The following SS18L1 variants were observed in gnomAD, a reference collection of about 807,000 sequenced individuals.
The protein encoded by SS18L1 is SS18L1 subunit of BAF chromatin remodeling complex.
A neutral mutation model predicts 70.3 loss-of-function variants in SS18L1; 32 were observed. The ratio of observed to expected loss-of-function variants is 0.46; its 90% CI spans 0.34 to 0.61. The LOEUF (loss-of-function observed/expected upper bound fraction) is 0.61, where lower values mean the gene tolerates loss of function less well. SS18L1 is among the 20% of genes least tolerant of loss of function. The probability of loss-of-function intolerance (pLI) is 0.01; values close to 1 mark genes in which losing one functional copy is unlikely to be tolerated. For synonymous variants in SS18L1, 237 were observed against 229.7 expected (o/e 1.03, Z -0.29); for missense variants, 430 against 542.1 (o/e 0.79, Z 2.05).
At position 62,162,740 on chromosome 20, in the gene SS18L1, TC is replaced by T; in HGVS notation, c.377-8del. 6.3e-7 allele frequency: 1 copy of T among 1,598,130 alleles called. No homozygotes were observed. Among genetic ancestry groups the T allele is most frequent in the Non-Finnish European group, 8.6e-7 (1 of 1,169,518 alleles). On this transcript the variant is annotated splice_polypyrimidine_tract_variant and intron_variant, in intron 4 of 10. Transcript: ENST00000331758. The stretch of plus-strand genomic sequence containing the variant: ...CCCAGTGCCTGACACCACTCCCTGC[TC>T]CCCATGCCAGGGCCGAGCCACGTGT...
rs543536344 is a variant in SS18L1, at chr20:62,179,427, AGTATT to A, written c.*224_*228del. On this transcript the variant is annotated 3_prime_UTR_variant, in exon 11 of 11. Coordinates refer to ENST00000331758, the MANE Select transcript of SS18L1 (RefSeq NM_198935.3). Reference sequence around the variant, plus strand: ...GTGTGATACTTTTGGTGCTGTGTATAGTATTGTATGTCGGTACACGGAGAGGTATC... The same window carrying A: ...GTGTGATACTTTTGGTGCTGTGTATAGTATGTCGGTACACGGAGAGGTATC... 7.5e-4 allele frequency: 448 copies of A among 596,318 alleles called. 5 individuals are homozygous for A. In the East Asian group the frequency reaches 0.012, roughly 17 times the overall value. The allele number at this position is 596,318 out of a possible 1,614,324, so 36.9% of individuals were successfully genotyped here. A position where few individuals can be genotyped will look rare whatever the true frequency, so the allele number is the denominator to read the frequency against.
chr20:62,150,633 A>AATTTTT lies in SS18L1; in HGVS notation c.69+6744_69+6745insATTTTT, dbSNP rs1199902967. 9.6e-4 allele frequency among the ~76,000 whole-genome samples: 56 copies of AATTTTT among 58,052 alleles called. 3 individuals carry two copies. Among genetic ancestry groups the AATTTTT allele is most frequent in the Non-Finnish European group, 1.8e-3 (51 of 28,246 alleles). 38.1% of individuals were successfully genotyped at this position (58,052 alleles called of 152,430 possible). ...CGGAGCATAAGAAACATTGAGGTGG[A>AATTTTT]TTTTTTTTTTTTTTTTTTTTTTTTT... On this transcript the variant is annotated intron_variant, in intron 1 of 10. Transcript: ENST00000331758.
intron 1 of SS18L1, 63 bp downstream of exon 1, chr20:62,143,952 G>A (rs1295244079): frequency 2.1e-6 from 2 of 952,836 alleles, no homozygotes; most frequent in African/African-American, 1.8e-5. Flanking sequence ...CGCGGGGACG[G>A]GGCGCGGGCA....
In SS18L1 at chr20:62,155,023, T is replaced by G. The variant is rs138667372; in HGVS notation, c.70-3649T>G. ...CCTCTGTTGTTTCTAACTGGCATCA[T>G]CTTCTTTTCTGGGGCTCCAGTAACC... is the stretch of plus-strand genomic sequence containing the variant. On this transcript the variant is annotated intron_variant, in intron 1 of 10. Transcript: ENST00000331758. Among the ~76,000 whole-genome samples, 425 of 152,328 alleles carry G rather than the reference T, an allele frequency of 2.8e-3. 1 individual carries two copies. The highest frequency in any genetic ancestry group is 9.8e-3 in the African/African-American group (409 of 41,574).
chr20:62,145,383 G>A (rs767223482), intron 1 of SS18L1, among the ~76,000 whole-genome samples: 1 of 152,250 alleles, frequency 6.6e-6, no homozygotes, highest in South Asian at 2.1e-4. Context: ...GTGGCTCCAG[G>A]GTCTGCTCTG....
chr20:62,161,052 C>T lies in SS18L1; in HGVS notation c.232-384C>T, dbSNP rs1046822021. On this transcript the variant is annotated intron_variant, in intron 3 of 10. Transcript: ENST00000331758. The surrounding 1 kb of genome is among the most constrained non-coding windows in gnomAD (Gnocchi z 4.4). The stretch of plus-strand genomic sequence containing the variant: ...CCCACCTCTGCCGAAGCTCTTGGCA[C>T]GGAGGGGTCGTGGTTGGGGAGCACA... Among the ~76,000 whole-genome samples the T allele has an allele frequency of 1.3e-5, 2 of 151,594 alleles. No homozygotes were observed. The highest frequency in any genetic ancestry group is 1.5e-5 in the Non-Finnish European group (1 of 67,962).
chr20:62,175,061 C>A, intron 10 of SS18L1: 1 of 722,236 alleles, frequency 1.4e-6, no homozygotes, highest in Non-Finnish European at 1.7e-6. Flanking sequence ...GAGCGGGGGG[C>A]CCCAAATGGA....
chr20:62,144,899 C>T (rs1036874461), intron 1 of SS18L1, among the ~76,000 whole-genome samples: 2 of 152,116 alleles, frequency 1.3e-5, no homozygotes, highest in African/African-American at 4.8e-5. Context: ...AGTGGTATTC[C>T]TAGGTTCCCA....
At chr20:62,165,740 C>T (rs1250368621) in intron 8 of SS18L1, among the ~76,000 whole-genome samples, 1 of 151,742 alleles carries the variant, frequency 6.6e-6, no homozygotes, top group African/African-American at 2.4e-5. Context: ...AGGATTCAGC[C>T]GGCCATGCTG....
Position 62,172,786 on chromosome 20 carries a change from CAGCAGCAGGGCTACGGTAAGAGGCG to C in SS18L1, c.1026_1036+14del. 1 of 1,613,278 alleles carries C rather than the reference CAGCAGCAGGGCTACGGTAAGAGGCG, an allele frequency of 6.2e-7. No homozygotes were observed. Among genetic ancestry groups the C allele is most frequent in the Non-Finnish European group, 8.5e-7 (1 of 1,179,678 alleles). On this transcript the variant is annotated splice_donor_variant and splice_donor_5th_base_variant and coding_sequence_variant and intron_variant, in exon 9 of 11. Transcript: ENST00000331758. LOFTEE classifies it high-confidence loss of function. ...CCCCAGCCAGCAGAGCTACCCCGGG[CAGCAGCAGGGCTACGGTAAGAGGCG>C]AGCACGGTCCTCGGGGCCCCCCAGC... is the stretch of plus-strand genomic sequence containing the variant.
chr20:62,147,075 C>T (rs189315829), intron 1 of SS18L1, among the ~76,000 whole-genome samples: 70 of 152,278 alleles, frequency 4.6e-4, no homozygotes, highest in African/African-American at 1.6e-3. Context: ...GTTTAGCCCA[C>T]GAGAGTGCGT....
At chr20:62,146,069 G>A (rs917440258) in intron 1 of SS18L1, among the ~76,000 whole-genome samples, 3 of 151,976 alleles carry the variant, frequency 2.0e-5, no homozygotes, top group African/African-American at 7.3e-5. Context: ...GGAGAAGGAG[G>A]TCTACAACTT....
Position 62,143,809 on chromosome 20 carries a change from C to T in SS18L1, c.-12C>T. On this transcript the variant is annotated 5_prime_UTR_variant, in exon 1 of 11. Transcript: ENST00000331758. ...ACCTCGATGACCACGGGCTGAGCCC[C>T]GCGCCGCCACCATGTCCGTGGCCTT... is the stretch of plus-strand genomic sequence containing the variant. 1 of 1,357,596 alleles carries T rather than the reference C, an allele frequency of 7.4e-7. No homozygotes were observed. The allele number at this position is 1,357,596 out of a possible 1,614,324, so 84.1% of individuals were successfully genotyped here.
chr20:62,157,952 G>A (rs2057253115), intron 1 of SS18L1, among the ~76,000 whole-genome samples: 1 of 152,114 alleles, frequency 6.6e-6, no homozygotes, highest in Non-Finnish European at 1.5e-5. Flanking sequence ...CTCCCTCACC[G>A]CGGTTGGTGC....
In SS18L1 at chr20:62,161,359, T is replaced by C; in HGVS notation, c.232-77T>C. The C allele has an allele frequency of 6.2e-7, 1 of 1,608,558 alleles. No individual in the cohort carries two copies. Among genetic ancestry groups the C allele is most frequent in the Non-Finnish European group, 8.5e-7 (1 of 1,177,006 alleles). ...GTGGCGGCAAATCTCGGGTGCCCTCTCATCCCTGGCCTGGCTTGTGGAGGT... is the reference window on the plus strand; with the variant it reads ...GTGGCGGCAAATCTCGGGTGCCCTCCCATCCCTGGCCTGGCTTGTGGAGGT... On this transcript the variant is annotated intron_variant, in intron 3 of 10. Coordinates refer to ENST00000331758, the MANE Select transcript of SS18L1 (RefSeq NM_198935.3). The surrounding 1 kb of genome is among the most constrained non-coding windows in gnomAD (Gnocchi z 4.4).
rs568388709 is a variant in SS18L1, at chr20:62,158,137, C to CT, written c.70-533dup. Among the ~76,000 whole-genome samples the CT allele has an allele frequency of 9.9e-5, 15 of 152,246 alleles. No homozygotes were observed. In the East Asian group the frequency reaches 2.9e-3, roughly 29 times the overall value. ...GGGGTGCCCACAGGGTCCTGACATC[C>CT]TTGCCATCGGCTTGGCTGACCCTTG... On this transcript the variant is annotated intron_variant, in intron 1 of 10. Transcript: ENST00000331758. The surrounding 1 kb of genome is among the most constrained non-coding windows in gnomAD (Gnocchi z 4.5).
intron 1 of SS18L1, among the ~76,000 whole-genome samples, chr20:62,146,364 G>T (rs916184536): frequency 4.6e-5 from 7 of 152,292 alleles, no homozygotes; most frequent in South Asian, 4.1e-4. Context: ...CTGTGACGCT[G>T]GTCCCATCAG....
chr20:62,158,575 C>A lies in SS18L1; in HGVS notation c.70-97C>A. On this transcript the variant is annotated intron_variant, in intron 1 of 10. Coordinates refer to ENST00000331758, the MANE Select transcript of SS18L1 (RefSeq NM_198935.3). This position sits in a 1 kb window ranked among gnomAD's most constrained non-coding sequence, Gnocchi z 4.5. ...TGACACGTTTCACGTAAGGGACGCT[C>A]AACCTATATGAAAACTAGATGTGTA... 6.6e-7 allele frequency: 1 copy of A among 1,522,918 alleles called. No homozygotes were observed. Among genetic ancestry groups the A allele is most frequent in the Non-Finnish European group, 8.8e-7 (1 of 1,131,962 alleles). 94.3% of individuals were successfully genotyped at this position (1,522,918 alleles called of 1,614,324 possible).
At position 62,143,897 on chromosome 20, in the gene SS18L1, G is replaced by T; in HGVS notation, c.69+8G>T. ...CAGCAAACCATCCAGAAGGTGGGCC[G>T]GGCCGGAGCGGCGGCGCTGGGCGGC... On this transcript the variant is annotated splice_region_variant and intron_variant, in intron 1 of 10. Transcript: ENST00000331758. The T allele has an allele frequency of 8.8e-7, 1 of 1,138,506 alleles. No individual in the cohort carries two copies. 70.5% of individuals were successfully genotyped at this position (1,138,506 alleles called of 1,614,324 possible).
Sources: gnomAD v4.1 joint callset for allele counts (sites outside exome capture counted in the v4.1 genomes callset) on GRCh38, gnomAD v4.1.1 for gene constraint, Gnocchi (gnomAD v3.1) non-coding constraint, MANE v1.5 for transcripts, NCBI Gene and HGNC (gene_info 2026-07-23, HGNC 2026-07-21) for gene names.